The following PLXND1 variants were observed in gnomAD, a reference collection of about 807,000 sequenced individuals.
PLXND1 encodes plexin-D1.
A neutral mutation model predicts 197.7 loss-of-function variants in PLXND1; 54 were observed. The observed-to-expected ratio is 0.27, with a 90% CI of 0.22 to 0.34. The LOEUF (loss-of-function observed/expected upper bound fraction) is 0.34, where lower values mean the gene tolerates loss of function less well. Among genes scored for constraint, PLXND1 ranks in the 10% least tolerant of loss-of-function variants. PLXND1 has a pLI of 1.00. For synonymous variants in PLXND1, 1,180 were observed against 1,161.2 expected (o/e 1.02, Z -0.33); for missense variants, 2,127 against 2,699.2 (o/e 0.79, Z 4.70).
intron 1 of PLXND1, among the ~76,000 whole-genome samples, chr3:129,597,801 G>A (rs138091249): frequency 2.6e-5 from 4 of 152,248 alleles, no homozygotes; most frequent in Non-Finnish European, 4.4e-5. Context: ...CTGTACTTGG[G>A]GGGCAGTGAG....
At chr3:129,556,465 G>A in intron 35 of PLXND1, 37 bp from the exon 36 acceptor site, 2 of 1,541,660 alleles carry the variant, frequency 1.3e-6, no homozygotes, top group Admixed American at 3.3e-5. Context: ...GCCATGGCCG[G>A]TAGCCCTGCC....
intron 29 of PLXND1, 129 bp from the exon 30 acceptor site, chr3:129,560,852 GA>G: frequency 1.4e-6 from 1 of 712,918 alleles, no homozygotes; most frequent in Non-Finnish European, 2.6e-6. Context: ...AGCAGAGACA[GA>G]AAGATGGAGA....
chr3:129,591,102 G>T (rs9837733), intron 1 of PLXND1, among the ~76,000 whole-genome samples: 3 of 152,204 alleles, frequency 2.0e-5, no homozygotes, highest in Non-Finnish European at 4.4e-5. Context: ...GGCCGGATGG[G>T]CTTCTAGGCT....
intron 20 of PLXND1, 148 bp from the exon 21 acceptor site, chr3:129,567,953 TG>T: frequency 8.7e-6 from 1 of 115,350 alleles, no homozygotes; most frequent in Non-Finnish European, 1.7e-5. Flanking sequence ...AGGGTTGGGG[TG>T]GGGGGTGGGG....
intron 1 of PLXND1, among the ~76,000 whole-genome samples, chr3:129,595,948 C>CACA (rs1553793024): frequency 6.7e-6 from 1 of 149,872 alleles, no homozygotes; most frequent in African/African-American, 2.5e-5. Context: ...CACACACACA[C>CACA]TCTTGCTGCG....
rs1027396671 is a variant in PLXND1, at chr3:129,557,525, C to T, written c.5446-302G>A. 2.6e-5 allele frequency among the ~76,000 whole-genome samples: 4 copies of T among 152,108 alleles called. No individual in the cohort carries two copies. Among genetic ancestry groups the T allele is most frequent in the Non-Finnish European group, 4.4e-5 (3 of 68,032 alleles). The stretch of plus-strand genomic sequence containing the variant: ...ACGGGCATGCCAGCTCTTCACTGCA[C>T]GCAGCCCATTCCACGTAACAAGGAT... On this transcript the variant is annotated intron_variant, in intron 33 of 35. Coordinates refer to ENST00000324093, the MANE Select transcript of PLXND1 (RefSeq NM_015103.3). The surrounding 1 kb of genome is among the most constrained non-coding windows in gnomAD (Gnocchi z 4.8).
intron 2 of PLXND1, among the ~76,000 whole-genome samples, chr3:129,588,059 C>T (rs1008034708): frequency 6.6e-6 from 1 of 152,260 alleles, no homozygotes; most frequent in African/African-American, 2.4e-5. Flanking sequence ...GCCCCAGGGC[C>T]TGTGCTGGGT....
intron 27 of PLXND1, chr3:129,562,433 C>T (rs1398976954): frequency 1.2e-4 from 30 of 243,352 alleles, no homozygotes; most frequent in Non-Finnish European, 2.4e-4. Flanking sequence ...TCACTTGAGC[C>T]CAGGAGGTCG....
chr3:129,581,742 C>G (rs1296478983), intron 8 of PLXND1, among the ~76,000 whole-genome samples: 1 of 152,238 alleles, frequency 6.6e-6, no homozygotes, highest in East Asian at 1.9e-4. Context: ...CTCGTGATGG[C>G]AGGACTAGTC....
At chr3:129,579,263 A>T (rs1010885) in intron 8 of PLXND1, among the ~76,000 whole-genome samples, 5,285 of 152,256 alleles carry the variant, frequency 0.035, 145 homozygotes, top group Non-Finnish European at 0.052. Context: ...GGCGGAGGAC[A>T]GGGCTGGCCC....
chr3:129,590,021 A>G (rs2085516084), intron 1 of PLXND1, among the ~76,000 whole-genome samples: 1 of 152,102 alleles, frequency 6.6e-6, no homozygotes, highest in Non-Finnish European at 1.5e-5. Context: ...CTCCACAGCA[A>G]CCATGGGCTT....
chr3:129,606,368 G>T lies in PLXND1; in HGVS notation c.272C>A (p.Ala91Asp). The T allele has an allele frequency of 2.7e-6, 4 of 1,490,490 alleles. No individual in the cohort carries two copies. The highest frequency in any genetic ancestry group is 3.5e-6 in the Non-Finnish European group (4 of 1,128,856). The allele number at this position is 1,490,490 out of a possible 1,614,324, so 92.3% of individuals were successfully genotyped here. ...QLSGANLSLEAEAAVGPVPDS... is the reference protein window; with the variant it reads ...QLSGANLSLEDEAAVGPVPDS... ...GGGCACCGGGCCCACGGCCGCCTCGGCCTCCAGGCTCAGGTTGGCGCCCGA... is the reference window on the plus strand; with the variant it reads ...GGGCACCGGGCCCACGGCCGCCTCGTCCTCCAGGCTCAGGTTGGCGCCCGA... Residue 91 changes from alanine to aspartate, a missense_variant, in exon 1 of 36, where the codon GCC (alanine) becomes GAC (aspartate). Transcript: ENST00000324093.
At chr3:129,567,647 C>T in intron 21 of PLXND1, 43 bp from the exon 22 acceptor site, 3 of 1,580,016 alleles carry the variant, frequency 1.9e-6, no homozygotes, top group Non-Finnish European at 2.6e-6. Context: ...GAGAACCCAT[C>T]CCCTAGGAGG....
At chr3:129,599,864 C>T (rs765423269) in intron 1 of PLXND1, among the ~76,000 whole-genome samples, 2 of 152,212 alleles carry the variant, frequency 1.3e-5, no homozygotes, top group South Asian at 2.1e-4. Flanking sequence ...CTTCTATCTG[C>T]GGATCCAGAC....
chr3:129,588,471 TGTGA>T (rs34358108), intron 2 of PLXND1, among the ~76,000 whole-genome samples: 44,742 of 151,768 alleles, frequency 0.29, 7,392 homozygotes, highest in East Asian at 0.75. Flanking sequence ...AGACTCCGAA[TGTGA>T]GTATCTGACC....
rs1372935097 is a variant in PLXND1, at chr3:129,584,071, C to T, written c.2138+54G>A. The stretch of plus-strand genomic sequence containing the variant: ...GCCCCCTGAAAGCAAAGACCCTTCC[C>T]GGGGATGCGTTCCTCCCTCCACCAA... On this transcript the variant is annotated intron_variant, in intron 7 of 35. Transcript: ENST00000324093. 3.0e-5 allele frequency: 36 copies of T among 1,184,806 alleles called. 1 individual carries two copies. The South Asian group carries it at 3.3e-4, about 11-fold the overall frequency. The allele number at this position is 1,184,806 out of a possible 1,614,324, so 73.4% of individuals were successfully genotyped here.
chr3:129,594,472 C>A (rs1456948985), intron 1 of PLXND1, among the ~76,000 whole-genome samples: 1 of 151,970 alleles, frequency 6.6e-6, no homozygotes, highest in Non-Finnish European at 1.5e-5. Flanking sequence ...TGACAGAGAC[C>A]CTGTCTCGAA....
chr3:129,588,538 A>C (rs1041801331), intron 2 of PLXND1, among the ~76,000 whole-genome samples: 2 of 152,232 alleles, frequency 1.3e-5, no homozygotes, highest in Non-Finnish European at 2.9e-5. Context: ...CCCCAGCCAC[A>C]GCGGTGGGGT....
At chr3:129,576,728 T>C (rs1452617914) in intron 9 of PLXND1, among the ~76,000 whole-genome samples, 1 of 152,024 alleles carries the variant, frequency 6.6e-6, no homozygotes, top group Non-Finnish European at 1.5e-5. Context: ...ACCTGGACAA[T>C]GGGAATAGGG....
Sources: gnomAD v4.1 joint callset for allele counts (sites outside exome capture counted in the v4.1 genomes callset) on GRCh38, gnomAD v4.1.1 for gene constraint, Gnocchi (gnomAD v3.1) non-coding constraint, MANE v1.5 for transcripts, NCBI Gene and HGNC (gene_info 2026-07-23, HGNC 2026-07-21) for gene names.